The following CUL1 variants were observed in gnomAD, a reference collection of about 807,000 sequenced individuals.
CUL1 encodes cullin-1.
In CUL1, 24 loss-of-function variants were observed where a neutral mutation model predicts 118.0. The observed-to-expected ratio is 0.20, with a 90% CI of 0.15 to 0.29. The LOEUF (loss-of-function observed/expected upper bound fraction) is 0.29. Among genes scored for constraint, CUL1 ranks in the 10% least tolerant of loss-of-function variants. The pLI is 1.00. For synonymous variants in CUL1, 332 were observed against 340.4 expected (o/e 0.98, Z 0.27); for missense variants, 361 against 933.8 (o/e 0.39, Z 7.99).
intron 11 of CUL1, among the ~76,000 whole-genome samples, chr7:148,785,251 C>G (rs1403920134): frequency 1.3e-5 from 2 of 152,030 alleles, no homozygotes; most frequent in African/African-American, 4.8e-5. Context: ...TGAGAGGGGA[C>G]TTTAAATTGG....
chr7:148,794,409 C>G (rs1801115120), intron 17 of CUL1, among the ~76,000 whole-genome samples: 1 of 152,122 alleles, frequency 6.6e-6, no homozygotes, highest in South Asian at 2.1e-4. Flanking sequence ...TCTGGATTCT[C>G]AATTATTTTC....
chr7:148,784,206 TAAAC>T, intron 11 of CUL1, 129 bp downstream of exon 11: 3 of 739,206 alleles, frequency 4.1e-6, no homozygotes, highest in Non-Finnish European at 6.7e-6. Context: ...GAAAAATGCT[TAAAC>T]ATAATCGTCC....
At chr7:148,793,901 A>G (rs1432799398) in intron 17 of CUL1, among the ~76,000 whole-genome samples, 1 of 152,134 alleles carries the variant, frequency 6.6e-6, no homozygotes, top group Non-Finnish European at 1.5e-5. Flanking sequence ...TATCCTCACC[A>G]ACATTTGTTA....
At position 148,787,225 on chromosome 7, in the gene CUL1, G is replaced by T; in HGVS notation, c.1479+105G>T. On this transcript the variant is annotated intron_variant, in intron 13 of 21. Coordinates refer to ENST00000325222, the MANE Select transcript of CUL1 (RefSeq NM_003592.3). The surrounding 1 kb of genome is among the most constrained non-coding windows in gnomAD (Gnocchi z 5.5). ...TGCCTGTAATCCCAGCACTTTGGGAGGCCGAGGCGGGCAGATCACGAGGTC... is the reference window on the plus strand; with the variant it reads ...TGCCTGTAATCCCAGCACTTTGGGATGCCGAGGCGGGCAGATCACGAGGTC... The T allele has an allele frequency of 8.9e-7, 1 of 1,118,318 alleles. No homozygotes were observed. The highest frequency in any genetic ancestry group is 1.3e-6 in the Non-Finnish European group (1 of 787,180). The allele number at this position is 1,118,318 out of a possible 1,614,324, so 69.3% of individuals were successfully genotyped here. A position where few individuals can be genotyped will look rare whatever the true frequency, so the allele number is the denominator to read the frequency against.
At chr7:148,727,275 A>G (rs879117728) in intron 1 of CUL1, among the ~76,000 whole-genome samples, 1 of 152,220 alleles carries the variant, frequency 6.6e-6, no homozygotes, top group Admixed American at 6.5e-5. Flanking sequence ...CAAGACATAA[A>G]TTTTAGCCCA....
chr7:148,740,568 C>T (rs1799110640), intron 2 of CUL1, among the ~76,000 whole-genome samples: 1 of 152,116 alleles, frequency 6.6e-6, no homozygotes, highest in African/African-American at 2.4e-5. Context: ...ATAAATTCAC[C>T]TATTCTGAAC....
In CUL1 at chr7:148,767,724, A is replaced by G. The variant is rs902742776; in HGVS notation, c.1058A>G (p.Glu353Gly). The G allele has an allele frequency of 1.2e-6, 2 of 1,613,762 alleles. No individual in the cohort carries two copies. The highest frequency in any genetic ancestry group is 1.7e-5 in the Admixed American group (1 of 59,926). The change falls in exon 9 of 22, where the codon GAA becomes GGA. Residue 353 changes from glutamate (E) to glycine (G), a missense_variant. Coordinates refer to ENST00000325222, the MANE Select transcript of CUL1 (RefSeq NM_003592.3). ...CATAATCAGGGTCTTGCAGCCATTG[A>G]AAAGTGTGGAGAAGCTGCTTTAAAT... ...HIHNQGLAAI[E>G]KCGEAALNDP...
chr7:148,773,059 AT>A (rs1800269110), intron 9 of CUL1, among the ~76,000 whole-genome samples: 2 of 152,030 alleles, frequency 1.3e-5, no homozygotes, highest in African/African-American at 4.8e-5. Context: ...CATCTCTCCC[AT>A]TCCCATTCAT....
At chr7:148,707,920 T>C (rs1194898866) in intron 1 of CUL1, among the ~76,000 whole-genome samples, 1 of 152,188 alleles carries the variant, frequency 6.6e-6, no homozygotes, top group Non-Finnish European at 1.5e-5. Flanking sequence ...TAGAGGAGTT[T>C]AGGAAGCATC....
chr7:148,790,472 C>T (rs771878764), intron 16 of CUL1, 31 bp downstream of exon 16: 4 of 1,590,068 alleles, frequency 2.5e-6, no homozygotes, highest in Non-Finnish European at 3.4e-6. Context: ...TAAAATTTTT[C>T]TATTCTAAAT....
intron 1 of CUL1, among the ~76,000 whole-genome samples, chr7:148,714,608 G>A (rs1381357327): frequency 1.3e-5 from 2 of 152,200 alleles, no homozygotes; most frequent in Admixed American, 1.3e-4. Context: ...AGTGCTGGCT[G>A]GTTTGGAGTC....
chr7:148,766,049 C>T (rs555471005), intron 7 of CUL1, among the ~76,000 whole-genome samples: 5 of 152,138 alleles, frequency 3.3e-5, no homozygotes, highest in South Asian at 4.1e-4. Flanking sequence ...AATGGAAATA[C>T]GTATTACAGA....
chr7:148,699,486 TCGCGCCCA>T, intron 1 of CUL1, among the ~76,000 whole-genome samples: 1 of 151,952 alleles, frequency 6.6e-6, no homozygotes, highest in Non-Finnish European at 1.5e-5. Context: ...CCTTGCCCCC[TCGCGCCCA>T]CGCTTCTTCC....
intron 9 of CUL1, among the ~76,000 whole-genome samples, chr7:148,774,179 G>A (rs901219830): frequency 1.3e-5 from 2 of 152,172 alleles, no homozygotes; most frequent in African/African-American, 4.8e-5. Flanking sequence ...GATTTGCCTC[G>A]AAATCGTTGT....
Position 148,792,738 on chromosome 7 carries a change from C to T in CUL1, c.1819C>T (p.Gln607Ter). 6.2e-7 allele frequency: 1 copy of T among 1,611,346 alleles called. No homozygotes were observed. Among genetic ancestry groups the T allele is most frequent in the Non-Finnish European group, 8.5e-7 (1 of 1,178,810 alleles). ...NRYTLQASTF[Q>*]MAILLQYNTE... ...GGGGGCCGCAAAGGCGTCGACATTC[C>T]AGATGGCTATCCTGCTTCAGTACAA... Residue 607 changes from glutamine to a stop codon, truncating the protein, a stop_gained, in exon 17 of 22, where the codon CAG (glutamine) becomes TAG (stop). Transcript: ENST00000325222. LOFTEE classifies it high-confidence loss of function.
chr7:148,756,212 G>C (rs1366480500), intron 3 of CUL1, among the ~76,000 whole-genome samples: 1 of 152,070 alleles, frequency 6.6e-6, no homozygotes, highest in Admixed American at 6.5e-5. Flanking sequence ...TATTTTTACA[G>C]ATCACCACAA....
chr7:148,725,520 T>C (rs1798549874), intron 1 of CUL1, among the ~76,000 whole-genome samples: 1 of 152,178 alleles, frequency 6.6e-6, no homozygotes, highest in African/African-American at 2.4e-5. Flanking sequence ...GCTGGCTCTA[T>C]AGGGCCTACA....
intron 1 of CUL1, among the ~76,000 whole-genome samples, chr7:148,724,079 G>A (rs1300689436): frequency 6.6e-6 from 1 of 152,174 alleles, no homozygotes; most frequent in African/African-American, 2.4e-5. Flanking sequence ...TGTTGTAAGT[G>A]CTCTTTTTCA....
intron 1 of CUL1, among the ~76,000 whole-genome samples, chr7:148,728,453 A>G (rs943866876): frequency 3.3e-5 from 5 of 152,180 alleles, no homozygotes; most frequent in African/African-American, 9.7e-5. Flanking sequence ...CAAACAGTTG[A>G]TGCTATCAGA....
Sources: gnomAD v4.1 joint callset for allele counts (sites outside exome capture counted in the v4.1 genomes callset) on GRCh38, gnomAD v4.1.1 for gene constraint, Gnocchi (gnomAD v3.1) non-coding constraint, MANE v1.5 for transcripts, NCBI Gene and HGNC (gene_info 2026-07-23, HGNC 2026-07-21) for gene names.